IGF1: variants seen among roughly 807,000 people sequenced by gnomAD.
IGF1 encodes insulin like growth factor 1.
In IGF1, 4 loss-of-function variants were observed where a neutral mutation model predicts 13.8. The ratio of observed to expected loss-of-function variants is 0.29; its 90% CI spans 0.14 to 0.66. IGF1 has a LOEUF of 0.66. Ranked by LOEUF, IGF1 falls within the 30% of genes least tolerant of loss-of-function variation. The pLI, the probability that IGF1 is intolerant of heterozygous loss-of-function variation, is 0.78. For missense variants in IGF1, 124 were observed against 188.5 expected (o/e 0.66, Z 2.00); for synonymous variants, 76 against 72.6 (o/e 1.05, Z -0.23).
chr12:102,414,917 C>G (rs755064136), intron 3 of IGF1, among the ~76,000 whole-genome samples: 12 of 152,160 alleles, frequency 7.9e-5, no homozygotes, highest in Non-Finnish European at 1.5e-4. Flanking sequence ...AGTTGAAACA[C>G]TGGAATTTTA....
intron 3 of IGF1, among the ~76,000 whole-genome samples, chr12:102,404,056 G>A (rs1429910078): frequency 6.6e-6 from 1 of 152,134 alleles, no homozygotes; most frequent in Non-Finnish European, 1.5e-5. Flanking sequence ...AATCAAGGAG[G>A]AACTGGCATT....
chr12:102,457,291 G>T (rs987048893), intron 2 of IGF1, among the ~76,000 whole-genome samples: 1 of 152,146 alleles, frequency 6.6e-6, no homozygotes, highest in African/African-American at 2.4e-5. Context: ...CATGCTAAAA[G>T]AAAAGCAACC....
chr12:102,480,555 A>G lies in IGF1; in HGVS notation c.-174T>C. On this transcript the variant is annotated 5_prime_UTR_variant, in exon 1 of 4. Transcript: ENST00000337514. ...TTTAGCAGTGACAGTGAGATTTAGC[A>G]AACAGAAGAGGGATTTAGAGAAAAT... 1 of 1,471,494 alleles carries G rather than the reference A, an allele frequency of 6.8e-7. No homozygotes were observed. The highest frequency in any genetic ancestry group is 9.0e-7 in the Non-Finnish European group (1 of 1,112,808). 91.2% of individuals were successfully genotyped at this position (1,471,494 alleles called of 1,614,324 possible).
chr12:102,425,966 T>C (rs1314125226), intron 2 of IGF1, among the ~76,000 whole-genome samples: 2 of 152,238 alleles, frequency 1.3e-5, no homozygotes, highest in African/African-American at 2.4e-5. Flanking sequence ...GTTTGGTTTA[T>C]CAACGTCTAA....
In IGF1 at chr12:102,397,270, G is replaced by A. The variant is rs553853613; in HGVS notation, c.*5237C>T. The stretch of plus-strand genomic sequence containing the variant: ...TTTCAGTGAGGTTCCTTTAATTCTA[G>A]AGTTTCAGCTTGGTCAGCCCTCTAT... On this transcript the variant is annotated 3_prime_UTR_variant, in exon 4 of 4. Transcript: ENST00000337514. 1 of 153,586 alleles carries A rather than the reference G, an allele frequency of 6.5e-6. No individual in the cohort carries two copies. Among genetic ancestry groups the A allele is most frequent in the African/African-American group, 2.4e-5 (1 of 41,580 alleles). 9.5% of individuals were successfully genotyped at this position (153,586 alleles called of 1,614,324 possible).
At chr12:102,411,436 C>T (rs1476191313) in intron 3 of IGF1, among the ~76,000 whole-genome samples, 1 of 152,154 alleles carries the variant, frequency 6.6e-6, no homozygotes, top group Non-Finnish European at 1.5e-5. Flanking sequence ...CTAGTTGGTC[C>T]TTGATTACTT....
At position 102,401,130 on chromosome 12, in the gene IGF1, A is replaced by C. The variant is rs1202543149; in HGVS notation, c.*1377T>G. The C allele has an allele frequency of 6.6e-6, 1 of 152,234 alleles. No homozygotes were observed. The highest frequency in any genetic ancestry group is 2.4e-5 in the African/African-American group (1 of 41,452). 9.4% of individuals were successfully genotyped at this position (152,234 alleles called of 1,614,324 possible). On this transcript the variant is annotated 3_prime_UTR_variant, in exon 4 of 4. Coordinates refer to ENST00000337514, the MANE Select transcript of IGF1 (RefSeq NM_000618.5). ...AAGCGCCCTGATGTTGCACCCTTAC[A>C]GCAACCCAGGGTAAAAAAAATCTGA...
intron 2 of IGF1, among the ~76,000 whole-genome samples, chr12:102,447,810 A>G (rs1227881646): frequency 6.6e-6 from 1 of 152,232 alleles, no homozygotes; most frequent in Non-Finnish European, 1.5e-5. Flanking sequence ...ACCTAAAACC[A>G]TAAAAACTCT....
intron 2 of IGF1, among the ~76,000 whole-genome samples, chr12:102,464,732 AT>A (rs986584525): frequency 5.9e-5 from 9 of 152,230 alleles, no homozygotes; most frequent in African/African-American, 2.2e-4. Context: ...CATCAAAGCC[AT>A]TCTCAAACAA....
At chr12:102,448,005 A>AT (rs1300970069) in intron 2 of IGF1, among the ~76,000 whole-genome samples, 12 of 152,016 alleles carry the variant, frequency 7.9e-5, no homozygotes, top group African/African-American at 2.9e-4. Flanking sequence ...ATGGGAGAAA[A>AT]TTTTTTCAAT....
chr12:102,479,077 G>A (rs1566012159), intron 1 of IGF1, among the ~76,000 whole-genome samples: 1 of 152,148 alleles, frequency 6.6e-6, no homozygotes, highest in Non-Finnish European at 1.5e-5. Context: ...CAGAGATAAC[G>A]CTCCACAGCC....
chr12:102,474,891 G>A (rs907050197), intron 2 of IGF1, among the ~76,000 whole-genome samples: 3 of 152,092 alleles, frequency 2.0e-5, no homozygotes, highest in Non-Finnish European at 4.4e-5. Context: ...CTTTTTACTG[G>A]CTGTTGACTT....
chr12:102,476,784 T>C (rs1365998634), intron 1 of IGF1, among the ~76,000 whole-genome samples: 1 of 152,244 alleles, frequency 6.6e-6, no homozygotes, highest in African/African-American at 2.4e-5. Flanking sequence ...TAGTCAATGA[T>C]AGACTGCCAA....
chr12:102,414,996 A>G (rs150951977), intron 3 of IGF1, among the ~76,000 whole-genome samples: 3 of 152,354 alleles, frequency 2.0e-5, no homozygotes, highest in East Asian at 3.9e-4. Flanking sequence ...AATATTCACT[A>G]TGAAATTCTT....
At chr12:102,440,435 C>T (rs1877618431) in intron 2 of IGF1, among the ~76,000 whole-genome samples, 1 of 152,170 alleles carries the variant, frequency 6.6e-6, no homozygotes, top group South Asian at 2.1e-4. Context: ...CGAATCCAGA[C>T]CCATCTCCTT....
At chr12:102,428,647 C>T (rs906710327) in intron 2 of IGF1, among the ~76,000 whole-genome samples, 1 of 152,174 alleles carries the variant, frequency 6.6e-6, no homozygotes, top group African/African-American at 2.4e-5. Flanking sequence ...TCTAATAATC[C>T]TTGGGCATGG....
chr12:102,481,347 C>CTCTGTGTG (rs1208119570), upstream of IGF1, among the ~76,000 whole-genome samples: 39 of 140,376 alleles, frequency 2.8e-4, no homozygotes, highest in African/African-American at 8.4e-4. Context: ...TAACTCAAAC[C>CTCTGTGTG]TGTGTGTGTG....
At position 102,402,404 on chromosome 12, in the gene IGF1, C is replaced by G. The variant is rs1873756496; in HGVS notation, c.*103G>C. The stretch of plus-strand genomic sequence containing the variant: ...GAAACGCCCATCTTTTAAATGTTAT[C>G]AAACTTATTTTTTGGTAGGTGTTCC... On this transcript the variant is annotated 3_prime_UTR_variant, in exon 4 of 4. Transcript: ENST00000337514. 1 of 777,280 alleles carries G rather than the reference C, an allele frequency of 1.3e-6. No homozygotes were observed. Among genetic ancestry groups the G allele is most frequent in the African/African-American group, 1.7e-5 (1 of 58,958 alleles). 48.1% of individuals were successfully genotyped at this position (777,280 alleles called of 1,614,324 possible).
At chr12:102,466,775 C>T (rs564299469) in intron 2 of IGF1, among the ~76,000 whole-genome samples, 104 of 152,092 alleles carry the variant, frequency 6.8e-4, no homozygotes, top group Non-Finnish European at 1.3e-3. Context: ...TGGTGGCATG[C>T]GCCTATGGTC....
Sources: allele counts gnomAD v4.1 joint callset (sites outside exome capture counted in the v4.1 genomes callset), GRCh38; gene constraint gnomAD v4.1.1; transcripts MANE v1.5; gene names NCBI Gene and HGNC (gene_info 2026-07-23, HGNC 2026-07-21).